Variants in SLC2A14 observed in about 807,000 individuals in gnomAD.
The protein encoded by SLC2A14 is solute carrier family 2 member 14, also known as solute carrier family 2, facilitated glucose transporter member 14.
In SLC2A14, 13 loss-of-function variants were observed where a neutral mutation model predicts 43.0. That is an observed-to-expected ratio of 0.30 (90% confidence interval 0.20 to 0.48). The LOEUF (loss-of-function observed/expected upper bound fraction) is 0.48. SLC2A14 is among the 20% of genes least tolerant of loss of function. The pLI is 0.99. For synonymous variants in SLC2A14, 190 were observed against 233.8 expected (o/e 0.81, Z 1.71); for missense variants, 428 against 620.4 (o/e 0.69, Z 3.29).
At chr12:7,839,420 G>A (rs908697154) in intron 2 of SLC2A14, among the ~76,000 whole-genome samples, 1 of 152,150 alleles carries the variant, frequency 6.6e-6, no homozygotes, top group African/African-American at 2.4e-5. Flanking sequence ...GTGAAGCGGG[G>A]GCAGAGTGGC....
chr12:7,826,896 TC>T (rs1565508155), intron 7 of SLC2A14, among the ~76,000 whole-genome samples: 5 of 79,712 alleles, frequency 6.3e-5, no homozygotes, highest in African/African-American at 3.1e-4. Context: ...TTTCTTTCTT[TC>T]TTTCTTTCTT....
At chr12:7,882,387 A>G (rs377379974) in intron 1 of SLC2A14, among the ~76,000 whole-genome samples, 3 of 152,166 alleles carry the variant, frequency 2.0e-5, no homozygotes, top group South Asian at 4.2e-4. Context: ...CAGATGCGCC[A>G]CATTTAAGAG....
chr12:7,876,280 C>CAAA (rs59935166), upstream of SLC2A14, among the ~76,000 whole-genome samples: 72 of 68,192 alleles, frequency 1.1e-3, 2 homozygotes, highest in South Asian at 3.2e-3. Flanking sequence ...AACTCCATCT[C>CAAA]AAAAAAAAAA....
At chr12:7,818,140 T>C in intron 9 of SLC2A14, 106 bp from the exon 10 acceptor site, 1 of 964,190 alleles carries the variant, frequency 1.0e-6, no homozygotes, top group East Asian at 2.6e-5. Context: ...TGACGTACAA[T>C]ACAAAGAGTG....
chr12:7,869,158 A>C (rs1230335885), intron 2 of SLC2A14, among the ~76,000 whole-genome samples: 2 of 151,878 alleles, frequency 1.3e-5, no homozygotes, highest in African/African-American at 4.8e-5. Context: ...AAAAAAAAAA[A>C]CAGTGTTGAC....
chr12:7,841,745 C>T (rs937761130), intron 2 of SLC2A14, among the ~76,000 whole-genome samples: 7 of 152,086 alleles, frequency 4.6e-5, no homozygotes, highest in African/African-American at 1.2e-4. Context: ...CAGTGGCTAA[C>T]GCCTGTAATC....
intron 2 of SLC2A14, among the ~76,000 whole-genome samples, chr12:7,868,740 G>A (rs1009690622): frequency 1.3e-5 from 2 of 152,106 alleles, no homozygotes; most frequent in South Asian, 2.1e-4. Flanking sequence ...ACAGTGGCTC[G>A]CTCATGGCTG....
At chr12:7,860,633 A>C (rs1164074102) in intron 2 of SLC2A14, 1 of 152,202 alleles carries the variant, frequency 6.6e-6, no homozygotes, top group Admixed American at 6.6e-5. Context: ...TGCAAGAAAA[A>C]CGCCTTATGG....
At position 7,883,816 on chromosome 12, in the gene SLC2A14, C is replaced by T. The variant is rs28564129; in HGVS notation, c.132+7180G>A. On this transcript the variant is annotated intron_variant, in intron 1 of 9. Coordinates refer to the SLC2A14 transcript ENST00000539924. Reference sequence around the variant, plus strand: ...GCCAAGATGGTCTCGATCTCTTGACCTCATGCTCTACCTGCCTTGGCCTCC... The same window carrying T: ...GCCAAGATGGTCTCGATCTCTTGACTTCATGCTCTACCTGCCTTGGCCTCC... 0.014 allele frequency among the ~76,000 whole-genome samples: 2,196 copies of T among 151,606 alleles called. 137 individuals are homozygous for T. In the East Asian group the frequency reaches 0.22, roughly 15 times the overall value.
At chr12:7,878,993 A>AAAC (rs1945515784) in intron 1 of SLC2A14, among the ~76,000 whole-genome samples, 2 of 137,748 alleles carry the variant, frequency 1.5e-5, no homozygotes, top group African/African-American at 2.7e-5. Flanking sequence ...AAAAAAAAAA[A>AAAC]AAAAAAAAAA....
rs139157880 is a variant in SLC2A14, at chr12:7,828,838, G to T, written c.542C>A (p.Ser181Tyr). 1.6e-5 allele frequency: 26 copies of T among 1,614,006 alleles called. No individual in the cohort carries two copies. The highest frequency in any genetic ancestry group is 1.1e-4 in the African/African-American group (8 of 74,932). ...TAATAGCACCGGCCATAGCTCTTCAGACCCAAGGATGAGTTCCAGACCAAA... is the reference window on the plus strand; with the variant it reads ...TAATAGCACCGGCCATAGCTCTTCATACCCAAGGATGAGTTCCAGACCAAA... ...QIFGLELILG[S>Y]EELWPVLLGF... Residue 181 changes from serine (S) to tyrosine (Y), a missense_variant, in exon 6 of 11, where the codon TCT becomes TAT. Coordinates refer to ENST00000431042, the MANE Select transcript of SLC2A14 (RefSeq NM_001286234.2).
chr12:7,856,549 T>C (rs776898138), intron 2 of SLC2A14: 1 of 152,348 alleles, frequency 6.6e-6, no homozygotes, highest in East Asian at 1.9e-4. Context: ...AGAAAAGCTA[T>C]CTCTAACCCA....
chr12:7,882,588 T>G (rs1033855518), intron 1 of SLC2A14, among the ~76,000 whole-genome samples: 2 of 152,034 alleles, frequency 1.3e-5, no homozygotes, highest in Admixed American at 6.6e-5. Flanking sequence ...ATCTCAGCAC[T>G]CTGGGAGGCT....
At chr12:7,828,915 A>ATTT (rs1218652557) in intron 5 of SLC2A14, 49 bp from the exon 6 acceptor site, 1 of 1,582,348 alleles carries the variant, frequency 6.3e-7, no homozygotes, top group Non-Finnish European at 8.6e-7. Flanking sequence ...TTCACAGGCC[A>ATTT]CAAGTTCATT....
At chr12:7,880,231 C>T (rs1262927889) in intron 1 of SLC2A14, among the ~76,000 whole-genome samples, 1 of 151,754 alleles carries the variant, frequency 6.6e-6, no homozygotes, top group African/African-American at 2.4e-5. Flanking sequence ...AACCTGGAGG[C>T]GGAGGTTGCA....
At chr12:7,830,663 G>C (rs1350007582) in intron 4 of SLC2A14, among the ~76,000 whole-genome samples, 1 of 151,954 alleles carries the variant, frequency 6.6e-6, no homozygotes, top group Non-Finnish European at 1.5e-5. Context: ...AGAGGGGGAA[G>C]AACATTAGCA....
At chr12:7,875,170 AATTAT>A, upstream of SLC2A14, among the ~76,000 whole-genome samples, 1 of 135,680 alleles carries the variant, frequency 7.4e-6, no homozygotes, top group African/African-American at 2.7e-5. Flanking sequence ...ATATATATTT[AATTAT>A]ATATAATATA....
intron 5 of SLC2A14, among the ~76,000 whole-genome samples, chr12:7,829,207 G>A (rs977742064): frequency 2.6e-5 from 4 of 151,506 alleles, no homozygotes; most frequent in Non-Finnish European, 4.4e-5. Context: ...GTGAGACTCC[G>A]TCTCAGAAAC....
chr12:7,850,031 T>TAAA (rs35416196), intron 2 of SLC2A14, among the ~76,000 whole-genome samples: 2,055 of 135,060 alleles, frequency 0.015, 53 homozygotes, highest in Admixed American at 0.072. Flanking sequence ...AAGAAAGTGC[T>TAAA]AAAAAAAAAA....
Sources: gnomAD v4.1 joint callset for allele counts (sites outside exome capture counted in the v4.1 genomes callset) on GRCh38, gnomAD v4.1.1 for gene constraint, MANE v1.5 for transcripts, NCBI Gene and HGNC (gene_info 2026-07-23, HGNC 2026-07-21) for gene names.